SVEP1: variants seen among roughly 807,000 people sequenced by gnomAD.
SVEP1 encodes the protein sushi, von Willebrand factor type A, EGF and pentraxin domain-containing protein 1.
A neutral mutation model predicts 367.3 loss-of-function variants in SVEP1; 164 were observed. The ratio of observed to expected loss-of-function variants is 0.45; its 90% CI spans 0.39 to 0.51. The LOEUF is 0.51. SVEP1 is among the 20% of genes least tolerant of loss of function. The pLI, the probability that SVEP1 is intolerant of heterozygous loss-of-function variation, is 0.00. For missense variants in SVEP1, 4,117 were observed against 4,425.3 expected, an observed-to-expected ratio of 0.93 and a Z score of 1.98; for synonymous variants, 1,666 against 1,611.6, an observed-to-expected ratio of 1.03 and a Z score of -0.81.
In SVEP1 at chr9:110,496,896, T is replaced by C. The variant is rs1829457324; in HGVS notation, c.1719A>G (p.Ile573Met). Residue 573 changes from isoleucine to methionine, a missense_variant, in exon 8 of 48, where the codon ATA becomes ATG. This residue lies in a region of SVEP1 where 2,174 missense variants were observed against 2,494.3 expected (regional missense o/e 0.87). Transcript: ENST00000374469. The part of the protein sequence containing the change: ...EAPQINCPKD[I>M]EAKTLEQQDS... ...CTTGCTGTTCCAGAGTCTTAGCCTC[T>C]ATGTCCTTAGGACAGTTGATTTGAG... 6.4e-7 allele frequency: 1 copy of C among 1,554,834 alleles called. No homozygotes were observed. Among genetic ancestry groups the C allele is most frequent in the Non-Finnish European group, 8.7e-7 (1 of 1,147,946 alleles).
rs377632860 is a variant in SVEP1 at position 110,384,233 on chromosome 9, G to T, written c.10237+1665C>A. ...ATGGAAAAAGTGTGGTTTCCTGAGTGGGGTAGCACAATCACTCACCACCTC... is the reference window on the plus strand; with the variant it reads ...ATGGAAAAAGTGTGGTTTCCTGAGTTGGGTAGCACAATCACTCACCACCTC... On this transcript the variant is annotated intron_variant, in intron 43 of 47. Transcript: ENST00000374469. 8.5e-5 allele frequency among the ~76,000 whole-genome samples: 13 copies of T among 152,168 alleles called. No homozygotes were observed. In the East Asian group the frequency reaches 2.1e-3, roughly 25 times the overall value.
In SVEP1 at chr9:110,406,204, C is replaced by T; in HGVS notation, c.9396G>A (p.Val3132=). 1.9e-6 allele frequency: 3 copies of T among 1,605,596 alleles called. No individual in the cohort carries two copies. The highest frequency in any genetic ancestry group is 2.6e-6 in the Non-Finnish European group (3 of 1,175,240). Residue 3132 remains valine, a synonymous_variant, in exon 38 of 48, where the codon GTG becomes GTA. Coordinates refer to ENST00000374469, the MANE Select transcript of SVEP1 (RefSeq NM_153366.4). ...CATAGGTGTGTGCCTCTCCAGTTGCCACTGCATTGGCGACAGACGGTGGGG... is the reference window on the plus strand; with the variant it reads ...CATAGGTGTGTGCCTCTCCAGTTGCTACTGCATTGGCGACAGACGGTGGGG... ...CGSPPSVANA[V]ATGEAHTYES...
chr9:110,556,481 C>CT (rs1284501589), intron 1 of SVEP1, among the ~76,000 whole-genome samples: 3 of 152,024 alleles, frequency 2.0e-5, no homozygotes, highest in Admixed American at 6.6e-5. Context: ...CTAATAAAGT[C>CT]TTTTTTTGTT....
chr9:110,574,106 T>C (rs767647487), intron 1 of SVEP1, among the ~76,000 whole-genome samples: 8 of 152,204 alleles, frequency 5.3e-5, no homozygotes, highest in Admixed American at 1.3e-4. Context: ...TGTTAATCCT[T>C]TTTGTTTGGT....
At position 110,550,050 on chromosome 9, in the gene SVEP1, C is replaced by A. The variant is rs374817987; in HGVS notation, c.586G>T (p.Asp196Tyr). 1 of 1,613,890 alleles carries A rather than the reference C, an allele frequency of 6.2e-7. No individual in the cohort carries two copies. The highest frequency in any genetic ancestry group is 8.5e-7 in the Non-Finnish European group (1 of 1,179,896). The change falls in exon 2 of 48, where the codon GAT (aspartate) becomes TAT (tyrosine). Residue 196 changes from aspartate (D) to tyrosine (Y), a missense_variant. Asp to Tyr is a radical substitution (Grantham distance 160). Around this residue, in one of 4 missense-constraint regions of SVEP1, gnomAD observed 2,174 missense variants for 2,494.3 expected, o/e 0.87. Coordinates refer to ENST00000374469, the MANE Select transcript of SVEP1 (RefSeq NM_153366.4). The stretch of plus-strand genomic sequence containing the variant: ...GGGTCTCCCCCATTGGAATATCCAT[C>A]AGTGATGAGAAATACAACTTTTGTT... The part of the protein sequence containing the change: ...NSTKVVFLIT[D>Y]GYSNGGDPRP...
chr9:110,487,966 T>C (rs1829308752), intron 9 of SVEP1, among the ~76,000 whole-genome samples: 1 of 152,094 alleles, frequency 6.6e-6, no homozygotes, highest in African/African-American at 2.4e-5. Context: ...GTATTTTATT[T>C]TGGTAATGAG....
At position 110,445,924 on chromosome 9, in the gene SVEP1, G is replaced by C; in HGVS notation, c.4376C>G (p.Ser1459Cys). 1 of 1,613,940 alleles carries C rather than the reference G, an allele frequency of 6.2e-7. No homozygotes were observed. The highest frequency in any genetic ancestry group is 8.5e-7 in the Non-Finnish European group (1 of 1,179,856). Reference sequence around the variant, plus strand: ...TGTTCCATAGTTCATGTCGTCAGAGGATTTCATCCAGAAGGTACAGGTTAG... The same window carrying C: ...TGTTCCATAGTTCATGTCGTCAGAGCATTTCATCCAGAAGGTACAGGTTAG... ...HALTCTFWMK[S>C]SDDMNYGTPI... Residue 1459 changes from serine (S) to cysteine (C), a missense_variant, in exon 26 of 48, where the codon TCC becomes TGC. Ser to Cys is a moderately radical substitution (Grantham distance 112, BLOSUM62 -1). Around this residue, in one of 4 missense-constraint regions of SVEP1, gnomAD observed 2,174 missense variants for 2,494.3 expected, o/e 0.87. Coordinates refer to ENST00000374469, the MANE Select transcript of SVEP1 (RefSeq NM_153366.4).
Position 110,476,097 on chromosome 9 carries a change from G to A in SVEP1, c.2599+107C>T, listed in dbSNP as rs188371255. Reference sequence around the variant, plus strand: ...ATTTAGCCATCCTAAAATACTTGATGAATAAATTAATAGAAGTTAATGTTT... The same window carrying A: ...ATTTAGCCATCCTAAAATACTTGATAAATAAATTAATAGAAGTTAATGTTT... On this transcript the variant is annotated intron_variant, in intron 14 of 47. Coordinates refer to ENST00000374469, the MANE Select transcript of SVEP1 (RefSeq NM_153366.4). The A allele has an allele frequency of 2.7e-4, 179 of 655,196 alleles. No individual in the cohort carries two copies. The East Asian group carries it at 4.6e-3, about 17-fold the overall frequency. 40.6% of individuals were successfully genotyped at this position (655,196 alleles called of 1,614,324 possible).
At chr9:110,569,347 T>C (rs1830528130) in intron 1 of SVEP1, among the ~76,000 whole-genome samples, 1 of 151,692 alleles carries the variant, frequency 6.6e-6, no homozygotes, top group African/African-American at 2.4e-5. Context: ...TCCCAGCTAC[T>C]TGGGAGGCTG....
Position 110,432,484 on chromosome 9 carries a change from G to C in SVEP1, c.5211C>G (p.Asn1737Lys), listed in dbSNP as rs201201604. The C allele has an allele frequency of 4.3e-6, 7 of 1,613,000 alleles. No homozygotes were observed. The highest frequency in any genetic ancestry group is 5.9e-6 in the Non-Finnish European group (7 of 1,179,556). Residue 1737 changes from asparagine (N) to lysine (K), a missense_variant, in exon 31 of 48, where the codon AAC (asparagine) becomes AAG (lysine). Physicochemically the swap from Asn to Lys is moderately conservative, Grantham distance 94. Coordinates refer to ENST00000374469, the MANE Select transcript of SVEP1 (RefSeq NM_153366.4). ...RMFCTDNGSW[N>K]GVSPSCLDVD... ...CACCAAGGCAGGATGGTGAAACGCC[G>C]TTCCAGCTCCCATTATCTGTACAGA... is the stretch of plus-strand genomic sequence containing the variant.
intron 27 of SVEP1, among the ~76,000 whole-genome samples, chr9:110,439,127 C>T (rs1828475367): frequency 6.6e-6 from 1 of 152,136 alleles, no homozygotes; most frequent in African/African-American, 2.4e-5. Context: ...CTAACTCCCA[C>T]CATGGTGATA....
intron 14 of SVEP1, among the ~76,000 whole-genome samples, chr9:110,474,066 T>A (rs925143659): frequency 2.6e-5 from 4 of 152,214 alleles, no homozygotes; most frequent in African/African-American, 4.8e-5. Flanking sequence ...AATGGCATGA[T>A]CTCGGCCCAC....
chr9:110,516,216 C>A (rs1829802303), intron 3 of SVEP1, among the ~76,000 whole-genome samples: 1 of 149,550 alleles, frequency 6.7e-6, no homozygotes, highest in Admixed American at 6.6e-5. Flanking sequence ...ATATAATATA[C>A]TAAAACATTA....
intron 31 of SVEP1, 59 bp downstream of exon 31, chr9:110,432,403 T>C (rs758253958): frequency 1.3e-6 from 2 of 1,532,766 alleles, no homozygotes; most frequent in Admixed American, 2.1e-5. Flanking sequence ...GAATTTGGGA[T>C]GACTGTCATC....
intron 1 of SVEP1, among the ~76,000 whole-genome samples, chr9:110,570,087 G>A (rs561000044): frequency 1.3e-5 from 2 of 152,210 alleles, no homozygotes; most frequent in East Asian, 1.9e-4. Flanking sequence ...TCCTATCCAC[G>A]GCTGACCTCC....
At chr9:110,376,170 G>T (rs72762678) in intron 45 of SVEP1, among the ~76,000 whole-genome samples, 18,121 of 152,192 alleles carry the variant, frequency 0.12, 1,160 homozygotes, top group African/African-American at 0.14. Context: ...GCAGATATCA[G>T]GTACCAACTC....
intron 3 of SVEP1, among the ~76,000 whole-genome samples, chr9:110,537,318 A>T (rs1830091206): frequency 6.6e-6 from 1 of 152,022 alleles, no homozygotes; most frequent in South Asian, 2.1e-4. Flanking sequence ...AAATCCATGG[A>T]TACATGAACT....
chr9:110,394,711 G>T (rs946918361), intron 40 of SVEP1, among the ~76,000 whole-genome samples: 1 of 152,228 alleles, frequency 6.6e-6, no homozygotes, highest in Non-Finnish European at 1.5e-5. Flanking sequence ...CAGTGCAGAA[G>T]CCTCAATAGC....
intron 3 of SVEP1, among the ~76,000 whole-genome samples, chr9:110,542,974 ATATAT>A (rs892078794): frequency 7.1e-6 from 1 of 140,004 alleles, no homozygotes; most frequent in Non-Finnish European, 1.5e-5. Context: ...TTAAAAAAAA[ATATAT>A]ATATATATAT....
Sources: allele counts gnomAD v4.1 joint callset (sites outside exome capture counted in the v4.1 genomes callset), GRCh38; gene constraint gnomAD v4.1.1; regional missense constraint gnomAD v4.1.1; transcripts MANE v1.5; gene names NCBI Gene and HGNC (gene_info 2026-07-23, HGNC 2026-07-21).